Variants in ANK2 observed in about 807,000 individuals in gnomAD.
ANK2 encodes ankyrin-2.
In ANK2, 83 loss-of-function variants were observed where a neutral mutation model predicts 360.5. The ratio of observed to expected loss-of-function variants is 0.23; its 90% CI spans 0.19 to 0.28. ANK2 has a LOEUF of 0.28. ANK2 is among the 10% of genes least tolerant of loss of function. The pLI is 1.00. For missense variants in ANK2, 4,201 were observed against 4,795.7 expected (o/e 0.88, Z 3.66); for synonymous variants, 1,740 against 1,759.5 (o/e 0.99, Z 0.28).
At chr4:113,252,129 G>A (rs2046798266) in intron 10 of ANK2, among the ~76,000 whole-genome samples, 1 of 152,158 alleles carries the variant, frequency 6.6e-6, no homozygotes, top group Admixed American at 6.6e-5. Context: ...GAAGGTGAAA[G>A]GCACGTCTCA....
intron 1 of ANK2, chr4:113,145,948 A>C: frequency 7.8e-7 from 1 of 1,289,844 alleles, no homozygotes; most frequent in African/African-American, 1.5e-5. Flanking sequence ...GAACTGGATA[A>C]AACCCCAGAC....
intron 1 of ANK2, among the ~76,000 whole-genome samples, chr4:112,823,298 G>A (rs1430857997): frequency 6.6e-6 from 1 of 152,152 alleles, no homozygotes; most frequent in Non-Finnish European, 1.5e-5. Flanking sequence ...ATTAGTTCTG[G>A]TGGCTTTGAG....
chr4:113,231,816 G>A (rs1321396732), intron 4 of ANK2, among the ~76,000 whole-genome samples: 1 of 151,956 alleles, frequency 6.6e-6, no homozygotes, highest in African/African-American at 2.4e-5. Context: ...TGTCCAGGCA[G>A]GTCTCGAACT....
At chr4:113,134,942 A>G (rs2096300403) in intron 1 of ANK2, among the ~76,000 whole-genome samples, 1 of 152,186 alleles carries the variant, frequency 6.6e-6, no homozygotes, top group South Asian at 2.1e-4. Flanking sequence ...AAGTGGCATG[A>G]CTAAAGTTTT....
intron 2 of ANK2, among the ~76,000 whole-genome samples, chr4:112,959,993 A>G (rs896140211): frequency 6.6e-6 from 1 of 152,208 alleles, no homozygotes; most frequent in Non-Finnish European, 1.5e-5. Context: ...AAAAGTGTAC[A>G]TAGTGGAAAT....
the ANK2 span, among the ~76,000 whole-genome samples, chr4:112,725,849 G>T: frequency 6.6e-6 from 1 of 151,894 alleles, no homozygotes; most frequent in Non-Finnish European, 1.5e-5. Context: ...CTCGAAGATT[G>T]GTAGCACAAC....
intron 1 of ANK2, among the ~76,000 whole-genome samples, chr4:113,138,783 A>G (rs1213656806): frequency 6.6e-5 from 10 of 152,186 alleles, no homozygotes; most frequent in Admixed American, 6.5e-4. Flanking sequence ...TTGAAGCCCA[A>G]AAAAGTTTAT....
At chr4:112,997,858 C>CAT (rs1221888367) in intron 2 of ANK2, among the ~76,000 whole-genome samples, 1 of 148,962 alleles carries the variant, frequency 6.7e-6, no homozygotes, top group Non-Finnish European at 1.5e-5. Flanking sequence ...TACACACACA[C>CAT]ATATATATAC....
intron 1 of ANK2, among the ~76,000 whole-genome samples, chr4:112,838,183 T>C (rs963268385): frequency 6.6e-6 from 1 of 152,164 alleles, no homozygotes; most frequent in South Asian, 2.1e-4. Flanking sequence ...CTGATGGTTT[T>C]AAAGTGTGGC....
At chr4:112,991,668 T>G (rs1338960903) in intron 2 of ANK2, among the ~76,000 whole-genome samples, 1 of 148,236 alleles carries the variant, frequency 6.7e-6, no homozygotes, top group East Asian at 2.0e-4. Context: ...TTTCCAAATC[T>G]TCAATTTCTG....
At chr4:112,904,448 CT>C (rs1351219815) in intron 1 of ANK2, 10 of 1,396,844 alleles carry the variant, frequency 7.2e-6, no homozygotes, top group Non-Finnish European at 9.7e-6. Flanking sequence ...CTTTTTTATC[CT>C]TTTAGGTAAG....
intron 23 of ANK2, among the ~76,000 whole-genome samples, chr4:113,309,219 A>G (rs1382336801): frequency 6.6e-6 from 1 of 152,222 alleles, no homozygotes; most frequent in Non-Finnish European, 1.5e-5. Context: ...GTGGCTTTCC[A>G]GCTAATGCCA....
chr4:113,049,616 T>C, upstream of ANK2: 2 of 1,423,636 alleles, frequency 1.4e-6, no homozygotes. Context: ...TGCGCGCCCC[T>C]TCCCCACCCC....
At position 113,249,687 on chromosome 4, in the gene ANK2, C is replaced by T. The variant is rs550100690; in HGVS notation, c.892-77C>T. On this transcript the variant is annotated intron_variant, in intron 9 of 45. Coordinates refer to ENST00000357077, the MANE Select transcript of ANK2 (RefSeq NM_001148.6). ...AATCAGGATTGAGTTTAGGAACTCC[C>T]TCTTTATGGTTGCAATAGATGAAAT... The T allele has an allele frequency of 4.0e-5, 55 of 1,365,590 alleles. 1 individual carries two copies. The South Asian group carries it at 6.7e-4, about 17-fold the overall frequency. The allele number at this position is 1,365,590 out of a possible 1,614,324, so 84.6% of individuals were successfully genotyped here.
chr4:112,705,770 C>G, the ANK2 span, among the ~76,000 whole-genome samples: 1 of 152,246 alleles, frequency 6.6e-6, no homozygotes, highest in Non-Finnish European at 1.5e-5. Flanking sequence ...GCTAGGGAAG[C>G]AGCCTCCTTT....
In ANK2 at chr4:112,875,921, CT is replaced by C. The variant is rs553724643; in HGVS notation, c.-39-28518del. ...CCTCCCTGGCTAATTTTTCTTTTTT[CT>C]TTTTTTTTTTTTTTTAGAGACAAAG... On this transcript the variant is annotated intron_variant, in intron 1 of 30. Coordinates refer to the ANK2 transcript ENST00000503271. Among the ~76,000 whole-genome samples, 912 of 134,332 alleles carry C rather than the reference CT, an allele frequency of 6.8e-3. 1 individual carries two copies. Among genetic ancestry groups the C allele is most frequent in the Non-Finnish European group, 8.4e-3 (517 of 61,532 alleles). 88.1% of individuals were successfully genotyped at this position (134,332 alleles called of 152,430 possible).
intron 1 of ANK2, among the ~76,000 whole-genome samples, chr4:113,108,300 A>G (rs143401466): frequency 0.011 from 1,749 of 152,286 alleles, 33 homozygotes; most frequent in African/African-American, 0.038. Flanking sequence ...TTTCAGACAT[A>G]CCCATAATTC....
chr4:112,829,669 G>A (rs1048736657), intron 1 of ANK2, among the ~76,000 whole-genome samples: 1 of 151,858 alleles, frequency 6.6e-6, no homozygotes, highest in Admixed American at 6.6e-5. Context: ...TTATTAAAAA[G>A]TCAGTGCTGG....
intron 1 of ANK2, among the ~76,000 whole-genome samples, chr4:113,086,380 T>A (rs1322817039): frequency 6.6e-6 from 1 of 152,250 alleles, no homozygotes; most frequent in African/African-American, 2.4e-5. Context: ...ATTTATGTTC[T>A]AGTCTTTATT....
Sources: gnomAD v4.1 joint callset for allele counts (sites outside exome capture counted in the v4.1 genomes callset) on GRCh38, gnomAD v4.1.1 for gene constraint, MANE v1.5 for transcripts, NCBI Gene and HGNC (gene_info 2026-07-23, HGNC 2026-07-21) for gene names.